Variants in FA2H observed in about 807,000 individuals in gnomAD.
FA2H encodes fatty acid alpha-hydroxylase.
In FA2H, 22 loss-of-function variants were observed where a neutral mutation model predicts 44.9. That is an observed-to-expected ratio of 0.49 (90% CI 0.35 to 0.70). The LOEUF (loss-of-function observed/expected upper bound fraction) is 0.70, where lower values mean the gene tolerates loss of function less well. FA2H is among the 30% of genes least tolerant of loss of function. The pLI is 0.01. For missense variants in FA2H, 501 were observed against 504.9 expected (o/e 0.99, Z 0.07); for synonymous variants, 243 against 213.2 (o/e 1.14, Z -1.22).
intron 1 of FA2H, among the ~76,000 whole-genome samples, chr16:74,755,862 G>A (rs1023456569): frequency 3.3e-5 from 5 of 150,018 alleles, no homozygotes; most frequent in Admixed American, 6.7e-5. Flanking sequence ...CCTACTAAGC[G>A]TAATTTTCAT....
At chr16:74,729,549 A>T (rs1394651411) in intron 2 of FA2H, among the ~76,000 whole-genome samples, 1 of 152,248 alleles carries the variant, frequency 6.6e-6, no homozygotes, top group Non-Finnish European at 1.5e-5. Context: ...CATAATGGAG[A>T]GTGTGTGCAG....
At chr16:74,731,031 C>A (rs921130416) in intron 2 of FA2H, among the ~76,000 whole-genome samples, 1 of 152,116 alleles carries the variant, frequency 6.6e-6, no homozygotes, top group Non-Finnish European at 1.5e-5. Flanking sequence ...GCTTGCTGTG[C>A]GCAGGATCCC....
At chr16:74,761,267 A>G (rs1355463900) in intron 1 of FA2H, among the ~76,000 whole-genome samples, 1 of 152,324 alleles carries the variant, frequency 6.6e-6, no homozygotes, top group East Asian at 1.9e-4. Flanking sequence ...AGCCTGGCCA[A>G]CATGGTAAAA....
At chr16:74,758,513 A>G (rs1380208780) in intron 1 of FA2H, among the ~76,000 whole-genome samples, 1 of 152,244 alleles carries the variant, frequency 6.6e-6, no homozygotes, top group South Asian at 2.1e-4. Flanking sequence ...AATCTACTCT[A>G]ATTTTATTCA....
intron 1 of FA2H, among the ~76,000 whole-genome samples, chr16:74,756,202 C>T (rs7190827): frequency 0.024 from 3,714 of 152,270 alleles, 155 homozygotes; most frequent in African/African-American, 0.085. Flanking sequence ...TGCAGGCCTC[C>T]CCTCTAACCA....
chr16:74,721,563 AC>A (rs1489825210), intron 4 of FA2H, among the ~76,000 whole-genome samples: 4 of 152,008 alleles, frequency 2.6e-5, no homozygotes, highest in Non-Finnish European at 4.4e-5. Context: ...TGTACCCCAT[AC>A]CCAAGCTGCT....
intron 1 of FA2H, among the ~76,000 whole-genome samples, chr16:74,743,298 C>T (rs1430190635): frequency 6.6e-6 from 1 of 152,214 alleles, no homozygotes; most frequent in Non-Finnish European, 1.5e-5. Context: ...ATCAAATGTT[C>T]ACCATGTCCT....
intron 1 of FA2H, among the ~76,000 whole-genome samples, chr16:74,747,672 G>T (rs1962451165): frequency 6.6e-6 from 1 of 152,120 alleles, no homozygotes; most frequent in East Asian, 1.9e-4. Context: ...GCCAAGGATG[G>T]TCAAGAGCAG....
chr16:74,721,918 T>C (rs770868172), intron 4 of FA2H, among the ~76,000 whole-genome samples: 84 of 152,354 alleles, frequency 5.5e-4, no homozygotes, highest in Non-Finnish European at 1.0e-3. Context: ...TAACGGCAGA[T>C]GTGTCCTGAC....
rs745359828 is a variant in FA2H, at chr16:74,716,394, C to T, written c.992G>A (p.Ser331Asn). The change falls in exon 6 of 7, where the codon AGC (serine) becomes AAC (asparagine). Residue 331 changes from serine to asparagine, a missense_variant. By Grantham distance (46) the Ser-to-Asn change is conservative. Transcript: ENST00000219368. ...GTGCTTGACGTGGTGGGCCTTCAGG[C>T]TGTACAGGTAGGAGCCCTTGTGCGG... ...GSPHKGSYLY[S>N]LKAHHVKHHF... 1.5e-5 allele frequency: 25 copies of T among 1,614,060 alleles called. No individual in the cohort carries two copies. The highest frequency in any genetic ancestry group is 2.1e-5 in the Non-Finnish European group (25 of 1,180,032).
At chr16:74,733,091 C>T (rs1248485841) in intron 2 of FA2H, among the ~76,000 whole-genome samples, 2 of 152,184 alleles carry the variant, frequency 1.3e-5, no homozygotes, top group Non-Finnish European at 2.9e-5. Context: ...GGCCTCACAC[C>T]CGAGCTCTGT....
intron 1 of FA2H, among the ~76,000 whole-genome samples, chr16:74,748,763 C>T (rs1962474907): frequency 7.0e-6 from 1 of 142,842 alleles, no homozygotes; most frequent in Non-Finnish European, 1.5e-5. Context: ...AGGCAGTGTG[C>T]GGCGGGCGGG....
intron 6 of FA2H, among the ~76,000 whole-genome samples, chr16:74,714,526 A>T (rs1384987158): frequency 1.7e-5 from 2 of 119,760 alleles, no homozygotes; most frequent in Admixed American, 1.8e-4. Flanking sequence ...GCCCCCTCCC[A>T]CCCCCCACCT....
intron 2 of FA2H, among the ~76,000 whole-genome samples, chr16:74,729,858 G>T (rs535409660): frequency 6.6e-6 from 1 of 152,098 alleles, no homozygotes; most frequent in Non-Finnish European, 1.5e-5. Context: ...TGTCTCGGTG[G>T]ATGCTCAGCC....
chr16:74,740,959 A>C (rs1201786336), intron 1 of FA2H, among the ~76,000 whole-genome samples: 1 of 152,210 alleles, frequency 6.6e-6, no homozygotes, highest in Non-Finnish European at 1.5e-5. Context: ...TCCCTGCAGC[A>C]ACACCCGAGT....
chr16:74,773,643 T>A (rs1388482968), intron 1 of FA2H, among the ~76,000 whole-genome samples: 2 of 152,214 alleles, frequency 1.3e-5, no homozygotes, highest in Admixed American at 1.3e-4. Context: ...CATGTGGCTT[T>A]CCCACTATTT....
At chr16:74,723,722 A>C (rs1462602410) in intron 4 of FA2H, among the ~76,000 whole-genome samples, 1 of 152,174 alleles carries the variant, frequency 6.6e-6, no homozygotes, top group Non-Finnish European at 1.5e-5. Flanking sequence ...GGTGAAGTGC[A>C]GAGAGCACAG....
chr16:74,768,536 T>C (rs533565088), intron 1 of FA2H, among the ~76,000 whole-genome samples: 11 of 152,344 alleles, frequency 7.2e-5, no homozygotes, highest in Admixed American at 2.0e-4. Flanking sequence ...CCAAGTGATC[T>C]CAACCCCTCC....
intron 4 of FA2H, among the ~76,000 whole-genome samples, chr16:74,720,678 T>G (rs35173843): frequency 0.078 from 11,892 of 152,198 alleles, 624 homozygotes; most frequent in Non-Finnish European, 0.12. Context: ...CCAGTCAATT[T>G]TACAACATTT....
Sources: gnomAD v4.1 joint callset for allele counts (sites outside exome capture counted in the v4.1 genomes callset) on GRCh38, gnomAD v4.1.1 for gene constraint, MANE v1.5 for transcripts, NCBI Gene and HGNC (gene_info 2026-07-23, HGNC 2026-07-21) for gene names.